CPA6: variants seen among roughly 807,000 people sequenced by gnomAD.
The protein encoded by CPA6 is carboxypeptidase A6.
In CPA6, 58 loss-of-function variants were observed where a neutral mutation model predicts 63.3. That is an observed-to-expected ratio of 0.92 (90% CI 0.74 to 1.14). The LOEUF (loss-of-function observed/expected upper bound fraction) is 1.14, where lower values mean the gene tolerates loss of function less well. Ranked by LOEUF, CPA6 falls within the 50% of genes most tolerant of loss-of-function variation. CPA6 has a pLI of 0.00. For missense variants in CPA6, 565 were observed against 526.6 expected (o/e 1.07, Z -0.71); for synonymous variants, 185 against 179.0 (o/e 1.03, Z -0.27).
chr8:67,443,529 C>T (rs1810342198), intron 8 of CPA6, among the ~76,000 whole-genome samples: 1 of 152,044 alleles, frequency 6.6e-6, no homozygotes, highest in African/African-American at 2.4e-5. Flanking sequence ...AATTTACATA[C>T]GACTTTAAAG....
At chr8:67,483,747 C>A (rs908700725) in intron 8 of CPA6, 21 bp downstream of exon 8, 1 of 1,600,280 alleles carries the variant, frequency 6.2e-7, no homozygotes, top group African/African-American at 1.3e-5. Context: ...GGATCTGGAT[C>A]CCAGTTGGTC....
chr8:67,662,523 GTATA>G (rs754649029), intron 1 of CPA6, among the ~76,000 whole-genome samples: 4 of 134,130 alleles, frequency 3.0e-5, no homozygotes, highest in Admixed American at 7.5e-5. Flanking sequence ...ACATACACAC[GTATA>G]TGTATATATA....
intron 6 of CPA6, among the ~76,000 whole-genome samples, chr8:67,503,224 A>C (rs1026719706): frequency 7.9e-5 from 12 of 151,594 alleles, no homozygotes; most frequent in African/African-American, 2.9e-4. Context: ...ATTTTAGTAG[A>C]GACAGGGTTT....
At chr8:67,465,255 A>C (rs1464146408) in intron 8 of CPA6, among the ~76,000 whole-genome samples, 1 of 151,392 alleles carries the variant, frequency 6.6e-6, no homozygotes, top group Non-Finnish European at 1.5e-5. Flanking sequence ...GTTTTATTTT[A>C]TTTTGTCTAT....
intron 1 of CPA6, among the ~76,000 whole-genome samples, chr8:67,710,541 T>C (rs1463692496): frequency 6.6e-6 from 1 of 152,090 alleles, no homozygotes; most frequent in East Asian, 1.9e-4. Context: ...CAGAGTCAGG[T>C]TGGAATTTGC....
At chr8:67,729,488 T>C (rs990978298) in intron 1 of CPA6, among the ~76,000 whole-genome samples, 4 of 152,194 alleles carry the variant, frequency 2.6e-5, no homozygotes, top group African/African-American at 7.2e-5. Context: ...TTAATCTCTG[T>C]AGAGATCGGA....
intron 6 of CPA6, among the ~76,000 whole-genome samples, chr8:67,486,157 CTGT>C (rs1322705535): frequency 4.6e-5 from 7 of 152,170 alleles, no homozygotes; most frequent in African/African-American, 1.2e-4. Context: ...AAATAATTTT[CTGT>C]TGTTAAACCA....
intron 2 of CPA6, among the ~76,000 whole-genome samples, chr8:67,523,554 A>G (rs1262176569): frequency 6.6e-6 from 1 of 152,150 alleles, no homozygotes; most frequent in East Asian, 1.9e-4. Context: ...AAACAATAAC[A>G]AAAGTCCTGG....
chr8:67,746,003 G>T lies in CPA6; in HGVS notation c.116+11C>A, dbSNP rs141229869. The T allele has an allele frequency of 2.1e-4, 338 of 1,599,266 alleles. No homozygotes were observed. In the Middle Eastern group the frequency reaches 4.7e-3, roughly 22 times the overall value. ...CAAAGCTGTGTAGGGCATGAATGTC[G>T]CTCCACTTACCCAGCATAGCGGTTG... On this transcript the variant is annotated intron_variant, in intron 1 of 10. Coordinates refer to ENST00000297770, the MANE Select transcript of CPA6 (RefSeq NM_020361.5).
At chr8:67,661,978 T>C (rs1006609966) in intron 1 of CPA6, among the ~76,000 whole-genome samples, 1 of 152,216 alleles carries the variant, frequency 6.6e-6, no homozygotes, top group African/African-American at 2.4e-5. Flanking sequence ...TTCCATTGCA[T>C]GGATACACCT....
intron 2 of CPA6, among the ~76,000 whole-genome samples, chr8:67,545,359 G>A (rs775854563): frequency 1.4e-4 from 22 of 151,838 alleles, no homozygotes; most frequent in African/African-American, 3.9e-4. Context: ...TAAATCTAAC[G>A]GCCACTTTTA....
At chr8:67,540,773 T>C (rs1283276970) in intron 2 of CPA6, among the ~76,000 whole-genome samples, 2 of 152,196 alleles carry the variant, frequency 1.3e-5, no homozygotes, top group East Asian at 3.9e-4. Context: ...TCCACCCAGT[T>C]CGAACTTCCT....
At chr8:67,714,852 G>A (rs1312699110) in intron 1 of CPA6, among the ~76,000 whole-genome samples, 1 of 152,078 alleles carries the variant, frequency 6.6e-6, no homozygotes, top group Non-Finnish European at 1.5e-5. Flanking sequence ...ATACTGTTGG[G>A]ATCCCTTTCT....
At chr8:67,653,837 C>T (rs1309563992) in intron 1 of CPA6, among the ~76,000 whole-genome samples, 1 of 152,008 alleles carries the variant, frequency 6.6e-6, no homozygotes, top group Non-Finnish European at 1.5e-5. Flanking sequence ...AGAGGGAATG[C>T]TTCCAGTTTT....
chr8:67,537,764 T>A (rs893199743), intron 2 of CPA6, among the ~76,000 whole-genome samples: 1 of 152,226 alleles, frequency 6.6e-6, no homozygotes, highest in African/African-American at 2.4e-5. Context: ...CTCTAGTTCT[T>A]TTAATTGTGA....
chr8:67,706,553 G>A (rs1332830733), intron 1 of CPA6, among the ~76,000 whole-genome samples: 1 of 152,070 alleles, frequency 6.6e-6, no homozygotes, highest in Non-Finnish European at 1.5e-5. Flanking sequence ...TTAGGGTAAA[G>A]CTAAAGATTT....
intron 8 of CPA6, among the ~76,000 whole-genome samples, chr8:67,471,559 A>G (rs1029380524): frequency 8.6e-5 from 13 of 151,420 alleles, no homozygotes; most frequent in African/African-American, 1.9e-4. Flanking sequence ...TCTGTGTTCT[A>G]TAGTTCACTA....
At chr8:67,617,986 G>T (rs916648088) in intron 2 of CPA6, among the ~76,000 whole-genome samples, 1 of 152,208 alleles carries the variant, frequency 6.6e-6, no homozygotes, top group East Asian at 1.9e-4. Context: ...CAACTAGCTG[G>T]AGGAAACATC....
intron 2 of CPA6, among the ~76,000 whole-genome samples, chr8:67,576,879 T>C (rs1311073207): frequency 2.0e-5 from 3 of 151,926 alleles, no homozygotes; most frequent in Non-Finnish European, 4.4e-5. Flanking sequence ...TTTTTTTTTT[T>C]TTTGAGACAG....
Sources: gnomAD v4.1 joint callset for allele counts (sites outside exome capture counted in the v4.1 genomes callset) on GRCh38, gnomAD v4.1.1 for gene constraint, MANE v1.5 for transcripts, NCBI Gene and HGNC (gene_info 2026-07-23, HGNC 2026-07-21) for gene names.